ALKBH8: variants seen among roughly 807,000 people sequenced by gnomAD.
ALKBH8 encodes the protein tRNA (carboxymethyluridine(34)-5-O)-methyltransferase ALKBH8.
Under a neutral mutation model 59.8 loss-of-function variants are expected in ALKBH8, and 36 were observed. The observed-to-expected ratio is 0.60, with a 90% CI of 0.46 to 0.79. The LOEUF is 0.79. Ranked by LOEUF, ALKBH8 falls within the 30% of genes least tolerant of loss-of-function variation. The probability of loss-of-function intolerance (pLI) is 0.00; values close to 1 mark genes in which losing one functional copy is unlikely to be tolerated. For synonymous variants in ALKBH8, 276 were observed against 273.6 expected, an observed-to-expected ratio of 1.01 and a Z score of -0.09; for missense variants, 768 against 801.0, an observed-to-expected ratio of 0.96 and a Z score of 0.50.
At position 107,510,872 on chromosome 11, in the gene ALKBH8, A is replaced by G; in HGVS notation, c.1437+15T>C. 1 of 1,549,598 alleles carries G rather than the reference A, an allele frequency of 6.5e-7. No homozygotes were observed. On this transcript the variant is annotated intron_variant, in intron 11 of 11. Coordinates refer to ENST00000428149, the MANE Select transcript of ALKBH8 (RefSeq NM_138775.3). The stretch of plus-strand genomic sequence containing the variant: ...TTAGCTACAAGTTCTTAAGAGAAAG[A>G]AAGACCATACTTACTGCTGTTGCAA...
chr11:107,553,502 C>G (rs1046430250), intron 4 of ALKBH8, among the ~76,000 whole-genome samples: 5 of 152,070 alleles, frequency 3.3e-5, no homozygotes, highest in Non-Finnish European at 5.9e-5. Context: ...TTGCAAATAT[C>G]TCCAGGAAGC....
At chr11:107,508,965 G>A (rs933231385) in intron 11 of ALKBH8, among the ~76,000 whole-genome samples, 3 of 152,182 alleles carry the variant, frequency 2.0e-5, no homozygotes, top group Non-Finnish European at 4.4e-5. Context: ...ATGCTGCTAT[G>A]AACGTAGGTG....
chr11:107,532,244 C>T lies in ALKBH8; in HGVS notation c.878+56G>A. ...GGGCATGGTCCCCGTGGCTCAAACA[C>T]AGAAGAATGAGAAGTCTCATAAAGA... On this transcript the variant is annotated intron_variant, in intron 8 of 11. Transcript: ENST00000428149. 2.7e-6 allele frequency: 4 copies of T among 1,471,308 alleles called. No individual in the cohort carries two copies. In the South Asian group the frequency reaches 3.8e-5, roughly 14 times the overall value. The allele number at this position is 1,471,308 out of a possible 1,614,324, so 91.1% of individuals were successfully genotyped here.
rs1862301292 is a variant in ALKBH8 at position 107,504,691 on chromosome 11, T to C, written c.1962A>G (p.Gln654=). The change falls in exon 12 of 12, where the codon CAA becomes CAG. Residue 654 remains glutamine (Q), a synonymous_variant. Transcript: ENST00000428149. ...DVRILQSYYD[Q]GNWCVILQKA ...TTTGAAGAATCACACACCAGTTTCCTTGATCGTAGTAGCTTTGCAGAATTC... is the reference window on the plus strand; with the variant it reads ...TTTGAAGAATCACACACCAGTTTCCCTGATCGTAGTAGCTTTGCAGAATTC... 1.3e-6 allele frequency: 2 copies of C among 1,549,728 alleles called. No individual in the cohort carries two copies. The highest frequency in any genetic ancestry group is 1.2e-5 in the South Asian group (1 of 83,760).
intron 1 of ALKBH8, among the ~76,000 whole-genome samples, chr11:107,561,164 T>C (rs1014344844): frequency 6.6e-6 from 1 of 152,174 alleles, no homozygotes; most frequent in African/African-American, 2.4e-5. Context: ...ATTTTACTCA[T>C]AGGTGATGAA....
intron 11 of ALKBH8, among the ~76,000 whole-genome samples, chr11:107,507,090 T>C (rs148958198): frequency 3.3e-5 from 5 of 152,178 alleles, no homozygotes; most frequent in African/African-American, 1.2e-4. Flanking sequence ...TGAAAGAATA[T>C]CTAGTCAGCA....
intron 1 of ALKBH8, chr11:107,563,685 G>C (rs541644442): frequency 1.3e-5 from 2 of 152,314 alleles, no homozygotes; most frequent in Admixed American, 6.5e-5. Flanking sequence ...ATGTCATGGA[G>C]AACAAGGGAT....
Position 107,505,249 on chromosome 11 carries a change from G to A in ALKBH8, c.1438-34C>T, listed in dbSNP as rs145683517. 62 of 1,448,636 alleles carry A rather than the reference G, an allele frequency of 4.3e-5. No homozygotes were observed. In the African/African-American group the frequency reaches 8.0e-4, roughly 19 times the overall value. 89.7% of individuals were successfully genotyped at this position (1,448,636 alleles called of 1,614,324 possible). A position where few individuals can be genotyped will look rare whatever the true frequency, so the allele number is the denominator to read the frequency against. ...AAAAAACAAAACACATGATCAACCTGGAAGAGACAGGAAATCAGAAAATAA... is the reference window on the plus strand; with the variant it reads ...AAAAAACAAAACACATGATCAACCTAGAAGAGACAGGAAATCAGAAAATAA... On this transcript the variant is annotated intron_variant, in intron 11 of 11. Transcript: ENST00000428149.
At chr11:107,526,276 T>G (rs554916140) in intron 8 of ALKBH8, among the ~76,000 whole-genome samples, 2 of 152,106 alleles carry the variant, frequency 1.3e-5, no homozygotes, top group South Asian at 4.1e-4. Flanking sequence ...TCACCAACAC[T>G]TGGTATTTTC....
rs138081720 is a variant in ALKBH8 at position 107,510,991 on chromosome 11, T to A, written c.1333A>T (p.Arg445Trp). The A allele has an allele frequency of 5.8e-5, 90 of 1,551,910 alleles. 1 individual carries two copies. The East Asian group carries it at 6.6e-4, about 11-fold the overall frequency. The change falls in exon 11 of 12, where the codon AGG becomes TGG. Residue 445 changes from arginine to tryptophan, a missense_variant. Transcript: ENST00000428149. ...TCACAGACAAAAGCCTGAAATTGCC[T>A]CTCTCTACAAATGTCCACAAGGTTT... ...SQNLVDICRERQFQAFVCDAL... is the reference protein window; with the variant it reads ...SQNLVDICREWQFQAFVCDAL...
At chr11:107,532,716 AAC>A (rs1285342989) in intron 7 of ALKBH8, among the ~76,000 whole-genome samples, 2 of 152,158 alleles carry the variant, frequency 1.3e-5, no homozygotes, top group African/African-American at 4.8e-5. Context: ...CACCGTAGAA[AAC>A]AGCAGAGTAG....
chr11:107,515,125 CTA>C (rs1862807346), intron 10 of ALKBH8, among the ~76,000 whole-genome samples: 1 of 152,172 alleles, frequency 6.6e-6, no homozygotes. Context: ...CTTCCATATA[CTA>C]TAGTCATGCA....
chr11:107,531,260 A>T (rs189596833), intron 8 of ALKBH8, among the ~76,000 whole-genome samples: 2 of 152,310 alleles, frequency 1.3e-5, no homozygotes, highest in East Asian at 3.9e-4. Flanking sequence ...ATCTCTAAGC[A>T]GAACAGAATT....
At chr11:107,506,275 T>C (rs1214700026) in intron 11 of ALKBH8, among the ~76,000 whole-genome samples, 1 of 152,172 alleles carries the variant, frequency 6.6e-6, no homozygotes, top group African/African-American at 2.4e-5. Context: ...GCTTATACTT[T>C]ATCTGCTTCT....
chr11:107,559,359 T>G (rs1428121303), intron 2 of ALKBH8, among the ~76,000 whole-genome samples: 2 of 152,234 alleles, frequency 1.3e-5, no homozygotes, highest in Non-Finnish European at 2.9e-5. Context: ...ATTTTATTCT[T>G]TTCCTTTAAG....
chr11:107,542,704 A>C (rs1418780275), intron 7 of ALKBH8, among the ~76,000 whole-genome samples: 2 of 152,152 alleles, frequency 1.3e-5, no homozygotes, highest in African/African-American at 4.8e-5. Context: ...GAGCCCAGGA[A>C]TTCAAGACCA....
chr11:107,545,121 G>A (rs1257682878), intron 7 of ALKBH8, among the ~76,000 whole-genome samples: 2 of 152,140 alleles, frequency 1.3e-5, no homozygotes, highest in Non-Finnish European at 2.9e-5. Flanking sequence ...TTCTGAGGCT[G>A]TAAACATTGC....
intron 9 of ALKBH8, among the ~76,000 whole-genome samples, chr11:107,523,900 C>A (rs1184379264): frequency 6.6e-6 from 1 of 151,750 alleles, no homozygotes; most frequent in Non-Finnish European, 1.5e-5. Flanking sequence ...CCGCACCCAG[C>A]CGAGAATAAA....
intron 8 of ALKBH8, among the ~76,000 whole-genome samples, chr11:107,530,599 TAACACACA>T (rs1459552714): frequency 2.8e-5 from 2 of 70,206 alleles, no homozygotes; most frequent in African/African-American, 6.2e-5. Flanking sequence ...TCTCTCTTCC[TAACACACA>T]CACACACACA....
Sources: gnomAD v4.1 joint callset for allele counts (sites outside exome capture counted in the v4.1 genomes callset) on GRCh38, gnomAD v4.1.1 for gene constraint, MANE v1.5 for transcripts, NCBI Gene and HGNC (gene_info 2026-07-23, HGNC 2026-07-21) for gene names.